Variants in COX7B2 observed in about 807,000 individuals in gnomAD.
COX7B2 encodes the protein cytochrome c oxidase subunit 7B2, mitochondrial.
For synonymous variants in COX7B2, 37 were observed against 32.1 expected (o/e 1.15, Z -0.51); for missense variants, 109 against 95.9 (o/e 1.14, Z -0.57).
intron 2 of COX7B2, among the ~76,000 whole-genome samples, chr4:46,766,562 C>G (rs1488062981): frequency 6.6e-6 from 1 of 151,918 alleles, no homozygotes; most frequent in Non-Finnish European, 1.5e-5. Context: ...ATTAGCCAGA[C>G]GTGGTGGCAC....
intron 2 of COX7B2, among the ~76,000 whole-genome samples, chr4:46,789,402 T>G (rs1717917070): frequency 6.6e-6 from 1 of 152,120 alleles, no homozygotes. Context: ...AAAAATAATC[T>G]CAAAAAAATT....
At chr4:46,843,213 T>C (rs1716055799) in intron 2 of COX7B2, among the ~76,000 whole-genome samples, 1 of 152,016 alleles carries the variant, frequency 6.6e-6, no homozygotes. Flanking sequence ...TGTCCATTTA[T>C]GAGGCTTCTT....
chr4:46,739,956 TGTTGA>T (rs969678012), intron 2 of COX7B2, among the ~76,000 whole-genome samples: 45 of 152,202 alleles, frequency 3.0e-4, no homozygotes, highest in African/African-American at 8.4e-4. Context: ...CAAACTTTGC[TGTTGA>T]GTTAACAATG....
At chr4:46,744,758 T>G (rs868650839) in intron 2 of COX7B2, among the ~76,000 whole-genome samples, 452 of 149,122 alleles carry the variant, frequency 3.0e-3, no homozygotes, top group African/African-American at 0.01. Context: ...TTTTTTTTTT[T>G]GGGAGACGGA....
At chr4:46,886,765 G>C (rs1327762948) in intron 1 of COX7B2, among the ~76,000 whole-genome samples, 1 of 152,162 alleles carries the variant, frequency 6.6e-6, no homozygotes, top group African/African-American at 2.4e-5. Flanking sequence ...TTCTCAAACA[G>C]AAGTAAGCAG....
intron 2 of COX7B2, among the ~76,000 whole-genome samples, chr4:46,760,979 CTA>C (rs1716113894): frequency 6.6e-6 from 1 of 152,114 alleles, no homozygotes; most frequent in Non-Finnish European, 1.5e-5. Flanking sequence ...CTATGCCTTC[CTA>C]CTGGACTTCC....
intron 1 of COX7B2, among the ~76,000 whole-genome samples, chr4:46,887,485 G>A (rs2109861950): frequency 6.6e-6 from 1 of 152,186 alleles, no homozygotes; most frequent in South Asian, 2.1e-4. Flanking sequence ...GCCAAGGCAG[G>A]TTGATCACGA....
rs139689678 is a variant in COX7B2 at position 46,843,152 on chromosome 4, C to G, written c.-50+1808G>C. On this transcript the variant is annotated intron_variant, in intron 2 of 2. Coordinates refer to ENST00000355591, the MANE Select transcript of COX7B2 (RefSeq NM_130902.3). ...TTGATTTGCATTTCTCTGATGGCCA[C>G]TGATGATGAGCTCACTTTAAGTCAG... Among the ~76,000 whole-genome samples the G allele has an allele frequency of 4.5e-3, 682 of 151,982 alleles. 6 individuals are homozygous for G. Among genetic ancestry groups the G allele is most frequent in the African/African-American group, 0.016 (660 of 41,512 alleles).
At chr4:46,865,225 A>C (rs940761212) in intron 1 of COX7B2, among the ~76,000 whole-genome samples, 5 of 152,248 alleles carry the variant, frequency 3.3e-5, no homozygotes, top group African/African-American at 1.2e-4. Context: ...CTCCTGTGTT[A>C]CTTCACTTAG....
intron 2 of COX7B2, among the ~76,000 whole-genome samples, chr4:46,762,411 T>C (rs901966521): frequency 7.3e-6 from 1 of 137,576 alleles, no homozygotes; most frequent in Non-Finnish European, 1.5e-5. Flanking sequence ...TATATAATAT[T>C]ATATAATATA....
chr4:46,774,993 G>A (rs937760932), intron 2 of COX7B2, among the ~76,000 whole-genome samples: 3 of 152,022 alleles, frequency 2.0e-5, no homozygotes, highest in African/African-American at 7.2e-5. Flanking sequence ...TTTTCAAATA[G>A]TTGATGTTTC....
chr4:46,757,755 G>T (rs1715888575), intron 2 of COX7B2, among the ~76,000 whole-genome samples: 1 of 152,132 alleles, frequency 6.6e-6, no homozygotes, highest in African/African-American at 2.4e-5. Context: ...CTGCTGTTCA[G>T]AGACAGGCAT....
At chr4:46,735,359 C>A in intron 2 of COX7B2, 118 bp from the exon 3 acceptor site, 1 of 709,962 alleles carries the variant, frequency 1.4e-6, no homozygotes. Flanking sequence ...TTTGATATAA[C>A]AATATCTGAA....
chr4:46,899,853 T>C (rs1208540275), intron 1 of COX7B2, among the ~76,000 whole-genome samples: 1 of 152,178 alleles, frequency 6.6e-6, no homozygotes, highest in Non-Finnish European at 1.5e-5. Context: ...GCTCCAGGTA[T>C]AGTGTTAACA....
At chr4:46,804,263 G>A (rs1020196119) in intron 2 of COX7B2, among the ~76,000 whole-genome samples, 1 of 152,216 alleles carries the variant, frequency 6.6e-6, no homozygotes, top group African/African-American at 2.4e-5. Flanking sequence ...GCAGTAGCAA[G>A]ACTTACCGCA....
intron 2 of COX7B2, among the ~76,000 whole-genome samples, chr4:46,794,641 G>A (rs1439695755): frequency 6.6e-6 from 1 of 152,106 alleles, no homozygotes; most frequent in Non-Finnish European, 1.5e-5. Context: ...ATGTAAAGGA[G>A]ATAATTAGAT....
Position 46,895,679 on chromosome 4 carries a change from ATTAT to A in COX7B2, c.-105+13477_-105+13480del, listed in dbSNP as rs145901421. On this transcript the variant is annotated intron_variant, in intron 1 of 2. Coordinates refer to ENST00000355591, the MANE Select transcript of COX7B2 (RefSeq NM_130902.3). The stretch of plus-strand genomic sequence containing the variant: ...TTAAGTATTAGGAAGTTAATTAGAA[ATTAT>A]TTGTTTTTCTGGAGTTTGTTATTTT... Among the ~76,000 whole-genome samples, 1,029 of 152,216 alleles carry A rather than the reference ATTAT, an allele frequency of 6.8e-3. 13 individuals carry two copies. The highest frequency in any genetic ancestry group is 0.023 in the African/African-American group (966 of 41,532).
chr4:46,780,071 A>T (rs1717361889), intron 2 of COX7B2, among the ~76,000 whole-genome samples: 1 of 152,232 alleles, frequency 6.6e-6, no homozygotes, highest in South Asian at 2.1e-4. Context: ...TAAACATATA[A>T]TAAAAATAAA....
At chr4:46,779,187 C>T (rs776762888) in intron 2 of COX7B2, among the ~76,000 whole-genome samples, 86 of 152,234 alleles carry the variant, frequency 5.6e-4, no homozygotes, top group Non-Finnish European at 7.5e-4. Flanking sequence ...ACATTTAATT[C>T]TCAGGCAACC....
Sources: allele counts gnomAD v4.1 joint callset (sites outside exome capture counted in the v4.1 genomes callset), GRCh38; gene constraint gnomAD v4.1.1; transcripts MANE v1.5; gene names NCBI Gene and HGNC (gene_info 2026-07-23, HGNC 2026-07-21).